Variants in ERC1 observed in about 807,000 individuals in gnomAD.
ERC1 encodes ELKS/RAB6-interacting/CAST family member 1, also known as RAB6 interacting protein 2.
In ERC1, 56 loss-of-function variants were observed where a neutral mutation model predicts 132.0. The observed-to-expected ratio is 0.42, with a 90% confidence interval of 0.34 to 0.53. The LOEUF (loss-of-function observed/expected upper bound fraction) is 0.53, where lower values mean the gene tolerates loss of function less well. Ranked by LOEUF, ERC1 falls within the 20% of genes least tolerant of loss-of-function variation. ERC1 has a pLI of 0.03. For synonymous variants in ERC1, 478 were observed against 476.1 expected, an observed-to-expected ratio of 1.00 and a Z score of -0.05; for missense variants, 1,202 against 1,349.9, an observed-to-expected ratio of 0.89 and a Z score of 1.72.
chr12:1,240,010 A>G (rs967897752), intron 13 of ERC1, among the ~76,000 whole-genome samples: 3 of 152,222 alleles, frequency 2.0e-5, no homozygotes, highest in Non-Finnish European at 2.9e-5. Flanking sequence ...GCGCTATAGC[A>G]TCATGCGATA....
chr12:1,455,651 G>T (rs1472152328), intron 18 of ERC1, among the ~76,000 whole-genome samples: 1 of 152,182 alleles, frequency 6.6e-6, no homozygotes, highest in Admixed American at 6.5e-5. Flanking sequence ...CATCTACTCA[G>T]GGAGTTGCGT....
At chr12:1,414,023 G>C (rs2091982860) in intron 17 of ERC1, among the ~76,000 whole-genome samples, 1 of 152,140 alleles carries the variant, frequency 6.6e-6, no homozygotes, top group South Asian at 2.1e-4. Context: ...GTGCAACCTA[G>C]ATCCCTCCCA....
chr12:1,353,663 T>C (rs984022179), intron 15 of ERC1, among the ~76,000 whole-genome samples: 2 of 152,096 alleles, frequency 1.3e-5, no homozygotes, highest in African/African-American at 4.8e-5. Context: ...GTGATTTTCA[T>C]GAATGGATCT....
At chr12:1,053,076 C>T (rs149174207) in intron 2 of ERC1, among the ~76,000 whole-genome samples, 1 of 152,040 alleles carries the variant, frequency 6.6e-6, no homozygotes, top group East Asian at 1.9e-4. Flanking sequence ...ATTTCTATAT[C>T]TAGAAACTTG....
chr12:1,465,274 CTG>C (rs1466645765), intron 18 of ERC1, among the ~76,000 whole-genome samples: 2 of 152,212 alleles, frequency 1.3e-5, no homozygotes, highest in African/African-American at 4.8e-5. Flanking sequence ...GGACTAGAAA[CTG>C]TGGAAATGAC....
chr12:1,335,614 G>C (rs936658842), intron 15 of ERC1, among the ~76,000 whole-genome samples: 1 of 152,030 alleles, frequency 6.6e-6, no homozygotes, highest in Non-Finnish European at 1.5e-5. Context: ...ATGTGCTTCT[G>C]GATTCAGTTT....
rs184623934 is a variant in ERC1, at chr12:1,231,980, C to T, written c.2352-4789C>T. On this transcript the variant is annotated intron_variant, in intron 12 of 18. Coordinates refer to ENST00000360905, the MANE Select transcript of ERC1 (RefSeq NM_178040.4). ...GTCTTCGATCTCCTGACCTCATGAT[C>T]CACCCACCTCAGCCTCCTAAAGTGC... Among the ~76,000 whole-genome samples the T allele has an allele frequency of 8.1e-4, 123 of 152,296 alleles. No individual in the cohort carries two copies. In the Middle Eastern group the frequency reaches 0.02, roughly 25 times the overall value.
intron 16 of ERC1, among the ~76,000 whole-genome samples, chr12:1,388,617 GC>G (rs1223511201): frequency 6.6e-6 from 1 of 152,130 alleles, no homozygotes; most frequent in African/African-American, 2.4e-5. Context: ...CCATGGAGAG[GC>G]TTTTAGTCTC....
Position 1,491,782 on chromosome 12 carries a change from A to C in ERC1, c.*1552A>C, listed in dbSNP as rs1265479323. On this transcript the variant is annotated 3_prime_UTR_variant, in exon 19 of 19. Transcript: ENST00000360905. ...ATCAGAAAGCTGACCCCAAGACTGCAAATCAATGAAGGTATTGGCATTGTT... is the reference window on the plus strand; with the variant it reads ...ATCAGAAAGCTGACCCCAAGACTGCCAATCAATGAAGGTATTGGCATTGTT... 2 of 231,946 alleles carry C rather than the reference A, an allele frequency of 8.6e-6. No individual in the cohort carries two copies. Among genetic ancestry groups the C allele is most frequent in the Non-Finnish European group, 1.7e-5 (2 of 117,310 alleles). The allele number at this position is 231,946 out of a possible 1,614,324, so 14.4% of individuals were successfully genotyped here. A position where few individuals can be genotyped will look rare whatever the true frequency, so the allele number is the denominator to read the frequency against.
intron 2 of ERC1, among the ~76,000 whole-genome samples, chr12:1,072,527 C>T (rs546323988): frequency 4.6e-5 from 7 of 152,172 alleles, no homozygotes; most frequent in Non-Finnish European, 1.0e-4. Flanking sequence ...AAAAGAGTCT[C>T]AGACGCATCT....
At chr12:1,348,904 A>G (rs369028311) in intron 15 of ERC1, among the ~76,000 whole-genome samples, 11 of 152,168 alleles carry the variant, frequency 7.2e-5, no homozygotes, top group African/African-American at 2.6e-4. Context: ...GATTTTTGCA[A>G]TATACTTTTT....
At chr12:1,447,268 G>A (rs112461874) in intron 18 of ERC1, among the ~76,000 whole-genome samples, 8,592 of 151,212 alleles carry the variant, frequency 0.057, 783 homozygotes, top group African/African-American at 0.2. Context: ...CTGTAATCCC[G>A]GCATTTTGGG....
At chr12:1,032,014 G>A (rs575442629) in intron 2 of ERC1, among the ~76,000 whole-genome samples, 1 of 151,906 alleles carries the variant, frequency 6.6e-6, no homozygotes, top group African/African-American at 2.4e-5. Flanking sequence ...ACCACTCTTG[G>A]GATCTTTAGA....
chr12:1,335,596 G>T (rs1210304881), intron 15 of ERC1, among the ~76,000 whole-genome samples: 2 of 152,028 alleles, frequency 1.3e-5, no homozygotes, highest in East Asian at 3.9e-4. Context: ...TGGTGGATAA[G>T]CCTTTTCATG....
chr12:1,040,821 T>G (rs1034322779), intron 2 of ERC1, among the ~76,000 whole-genome samples: 2 of 152,206 alleles, frequency 1.3e-5, no homozygotes, highest in African/African-American at 4.8e-5. Context: ...GAAAGTGAGA[T>G]AGTTCAGCCT....
intron 2 of ERC1, among the ~76,000 whole-genome samples, chr12:1,062,442 CG>C (rs1296803558): frequency 6.6e-6 from 1 of 152,042 alleles, no homozygotes; most frequent in Non-Finnish European, 1.5e-5. Context: ...GTTTCTATTT[CG>C]GTTTTTTTTC....
intron 7 of ERC1, 89 bp from the exon 8 acceptor site, chr12:1,141,531 C>A: frequency 1.9e-6 from 2 of 1,078,352 alleles, no homozygotes; most frequent in South Asian, 2.2e-5. Flanking sequence ...AAAACTCAAC[C>A]TCTTTATAAC....
At chr12:1,388,691 G>T (rs1591701770) in intron 16 of ERC1, among the ~76,000 whole-genome samples, 1 of 152,314 alleles carries the variant, frequency 6.6e-6, no homozygotes, top group East Asian at 1.9e-4. Flanking sequence ...AATGGAGGAA[G>T]TTAAGGGGAG....
At chr12:1,043,048 C>CTTTTCT (rs1970520119) in intron 2 of ERC1, among the ~76,000 whole-genome samples, 1 of 119,026 alleles carries the variant, frequency 8.4e-6, no homozygotes, top group African/African-American at 3.1e-5. Context: ...CTTTTCTTTT[C>CTTTTCT]TTTTTTTTTT....
Sources: gnomAD v4.1 joint callset for allele counts (sites outside exome capture counted in the v4.1 genomes callset) on GRCh38, gnomAD v4.1.1 for gene constraint, MANE v1.5 for transcripts, NCBI Gene and HGNC (gene_info 2026-07-23, HGNC 2026-07-21) for gene names.